The following WDR35 variants were observed in gnomAD, a reference collection of about 807,000 sequenced individuals.
The protein encoded by WDR35 is WD repeat domain 35, also known as WD repeat-containing protein 35.
A neutral mutation model predicts 158.3 loss-of-function variants in WDR35; 118 were observed. The ratio of observed to expected loss-of-function variants is 0.75; its 90% CI spans 0.64 to 0.87. The LOEUF (loss-of-function observed/expected upper bound fraction) is 0.87, where lower values mean the gene tolerates loss of function less well. Ranked by LOEUF, WDR35 falls within the 40% of genes least tolerant of loss-of-function variation. WDR35 has a pLI of 0.00. For synonymous variants in WDR35, 448 were observed against 476.1 expected, an observed-to-expected ratio of 0.94 and a Z score of 0.77; for missense variants, 1,263 against 1,405.8, an observed-to-expected ratio of 0.90 and a Z score of 1.62.
chr2:19,967,555 T>C (rs1671897944), intron 9 of WDR35, among the ~76,000 whole-genome samples: 1 of 152,004 alleles, frequency 6.6e-6, no homozygotes, highest in Non-Finnish European at 1.5e-5. Context: ...AACATGTTTA[T>C]ATTTAATTTT....
chr2:19,966,155 G>T (rs927096013), intron 10 of WDR35, among the ~76,000 whole-genome samples: 4 of 152,114 alleles, frequency 2.6e-5, no homozygotes, highest in Non-Finnish European at 4.4e-5. Context: ...TTTTAATGGG[G>T]TAAAATAATT....
chr2:19,937,898 T>C lies in WDR35; in HGVS notation c.2112A>G (p.Ala704=), dbSNP rs2103405480. The C allele has an allele frequency of 6.2e-7, 1 of 1,614,182 alleles. No individual in the cohort carries two copies. The highest frequency in any genetic ancestry group is 1.3e-5 in the African/African-American group (1 of 75,072). ...AALQKLDLYT[A]EQAFVRCKDY... ...CTTTGCAGCGCACAAATGCTTGCTC[T>C]GCAGTGTATAGATCCAGTTTCTGAA... is the stretch of plus-strand genomic sequence containing the variant. Residue 704 remains alanine, a synonymous_variant, in exon 19 of 27, where the codon GCA becomes GCG. Coordinates refer to ENST00000281405, the MANE Select transcript of WDR35 (RefSeq NM_020779.4).
chr2:19,963,435 A>C (rs1272864987), intron 10 of WDR35, among the ~76,000 whole-genome samples: 2 of 152,106 alleles, frequency 1.3e-5, no homozygotes, highest in Non-Finnish European at 2.9e-5. Context: ...ATTATCCCTG[A>C]ATTATGTATA....
chr2:19,931,730 G>A (rs1057031108), intron 23 of WDR35, among the ~76,000 whole-genome samples: 1 of 152,076 alleles, frequency 6.6e-6, no homozygotes, highest in African/African-American at 2.4e-5. Flanking sequence ...ATAATACAGA[G>A]ATTTTTAAAA....
At chr2:19,956,067 C>T (rs753296876) in intron 11 of WDR35, among the ~76,000 whole-genome samples, 6 of 152,156 alleles carry the variant, frequency 3.9e-5, no homozygotes, top group Non-Finnish European at 8.8e-5. Context: ...AGGGTGCGCT[C>T]CTGCCAGGTC....
intron 8 of WDR35, among the ~76,000 whole-genome samples, chr2:19,972,544 C>A (rs1672062939): frequency 6.6e-6 from 1 of 151,860 alleles, no homozygotes; most frequent in Admixed American, 6.6e-5. Flanking sequence ...TATTTAGGAA[C>A]CTTGAAAACT....
chr2:19,961,116 A>T (rs1169417092), intron 10 of WDR35, among the ~76,000 whole-genome samples: 1 of 152,224 alleles, frequency 6.6e-6, no homozygotes, highest in Non-Finnish European at 1.5e-5. Context: ...TGAAGCAAGA[A>T]AAAACATCAA....
In WDR35 at chr2:19,982,467, A is replaced by G; in HGVS notation, c.210T>C (p.His70=). 1 of 1,613,716 alleles carries G rather than the reference A, an allele frequency of 6.2e-7. No homozygotes were observed. Among genetic ancestry groups the G allele is most frequent in the Non-Finnish European group, 8.5e-7 (1 of 1,179,800 alleles). Residue 70 remains histidine, a synonymous_variant, in exon 3 of 27, where the codon CAT becomes CAC. Transcript: ENST00000281405. ...AAAAGAAATTGAATGACTCACCACT[A>G]TGACCTTCAAGAGTCTGATTCATAG... The part of the protein sequence containing the change: ...NLSMNQTLEG[H]SGSVQVVTWN...
In WDR35 at chr2:19,914,209, C is replaced by A. The variant is rs759338583; in HGVS notation, c.3190G>T (p.Ala1064Ser). 1.9e-6 allele frequency: 3 copies of A among 1,614,052 alleles called. No individual in the cohort carries two copies. The highest frequency in any genetic ancestry group is 2.2e-5 in the East Asian group (1 of 44,876). Residue 1064 changes from alanine to serine, a missense_variant, in exon 26 of 27, where the codon GCA becomes TCA. Transcript: ENST00000281405. ...GTCCCAAAGGCTCTGCTGGCGCATGCGCAGAGTGCTAGCAGAGAGTAGATC... is the reference window on the plus strand; with the variant it reads ...GTCCCAAAGGCTCTGCTGGCGCATGAGCAGAGTGCTAGCAGAGAGTAGATC... ...VEIYSLLALCACASRAFGTCS... is the reference protein window; with the variant it reads ...VEIYSLLALCSCASRAFGTCS...
intron 9 of WDR35, among the ~76,000 whole-genome samples, chr2:19,967,935 C>T (rs1671910076): frequency 6.6e-6 from 1 of 152,160 alleles, no homozygotes; most frequent in Admixed American, 6.5e-5. Context: ...CCAGAATGTC[C>T]TTTCACTATT....
intron 3 of WDR35, among the ~76,000 whole-genome samples, chr2:19,981,531 T>A (rs1404432030): frequency 1.3e-5 from 2 of 152,152 alleles, no homozygotes. Flanking sequence ...GTCTTTTTTT[T>A]TCTTGAGACA....
At chr2:19,989,953 G>T (rs866365610) in intron 1 of WDR35, 39 bp downstream of exon 1, 6 of 1,612,646 alleles carry the variant, frequency 3.7e-6, no homozygotes, top group Middle Eastern at 1.6e-4. Flanking sequence ...CAGGCTGCGG[G>T]AATGGCGGAG....
intron 25 of WDR35, among the ~76,000 whole-genome samples, chr2:19,920,626 C>A (rs568707427): frequency 6.6e-6 from 1 of 152,194 alleles, no homozygotes; most frequent in African/African-American, 2.4e-5. Flanking sequence ...CAATATCATA[C>A]TGAATGGGCA....
At chr2:19,958,485 C>T (rs570711160) in intron 11 of WDR35, among the ~76,000 whole-genome samples, 2 of 152,218 alleles carry the variant, frequency 1.3e-5, no homozygotes, top group Admixed American at 1.3e-4. Context: ...TTCAGAAATC[C>T]CACAGGAAAT....
intron 11 of WDR35, among the ~76,000 whole-genome samples, chr2:19,954,528 T>C (rs1188973582): frequency 6.6e-6 from 1 of 152,174 alleles, no homozygotes; most frequent in African/African-American, 2.4e-5. Flanking sequence ...TAGACATTTC[T>C]ACAGTGAAGA....
At position 19,973,464 on chromosome 2, in the gene WDR35, A is replaced by G. The variant is rs911149526; in HGVS notation, c.882+99T>C. 3.4e-6 allele frequency: 5 copies of G among 1,459,350 alleles called. No individual in the cohort carries two copies. The Admixed American group carries it at 9.7e-5, about 28-fold the overall frequency. 90.4% of individuals were successfully genotyped at this position (1,459,350 alleles called of 1,614,324 possible). On this transcript the variant is annotated intron_variant, in intron 8 of 26. Coordinates refer to ENST00000281405, the MANE Select transcript of WDR35 (RefSeq NM_020779.4). The stretch of plus-strand genomic sequence containing the variant: ...GAAGATGAAATGTCCCTAAAAGAAA[A>G]TGTGATAAGTTTACACCGTTTCCTT...
intron 17 of WDR35, 78 bp downstream of exon 17, chr2:19,941,681 A>G (rs1438955634): frequency 9.2e-7 from 1 of 1,091,506 alleles, no homozygotes; most frequent in East Asian, 2.7e-5. Flanking sequence ...CACACTGCTA[A>G]CCAGGATACT....
chr2:19,964,415 A>T (rs1426329051), intron 10 of WDR35, among the ~76,000 whole-genome samples: 6 of 100,502 alleles, frequency 6.0e-5, no homozygotes, highest in South Asian at 3.1e-4. Context: ...ACAGAGTCTT[A>T]CTCTGTCTCC....
At chr2:19,933,600 G>A (rs1417962735) in intron 21 of WDR35, 89 bp from the exon 22 acceptor site, 3 of 1,147,086 alleles carry the variant, frequency 2.6e-6, no homozygotes, top group Non-Finnish European at 3.8e-6. Flanking sequence ...GGACGTATGA[G>A]TATTAAATTT....
Sources: gnomAD v4.1 joint callset for allele counts (sites outside exome capture counted in the v4.1 genomes callset) on GRCh38, gnomAD v4.1.1 for gene constraint, MANE v1.5 for transcripts, NCBI Gene and HGNC (gene_info 2026-07-23, HGNC 2026-07-21) for gene names.